The following CRIM1 variants were observed in gnomAD, a reference collection of about 807,000 sequenced individuals.
CRIM1 encodes cysteine rich transmembrane BMP regulator 1.
In CRIM1, 32 loss-of-function variants were observed where a neutral mutation model predicts 116.4. That is an observed-to-expected ratio of 0.27 (90% CI 0.21 to 0.37). CRIM1 has a LOEUF of 0.37. Ranked by LOEUF, CRIM1 falls within the 10% of genes least tolerant of loss-of-function variation. The pLI, the probability that CRIM1 is intolerant of heterozygous loss-of-function variation, is 1.00. For missense variants in CRIM1, 1,331 were observed against 1,354.8 expected, an observed-to-expected ratio of 0.98 and a Z score of 0.28; for synonymous variants, 590 against 509.2, an observed-to-expected ratio of 1.16 and a Z score of -2.13.
At chr2:36,511,628 T>C (rs1224503628) in intron 9 of CRIM1, among the ~76,000 whole-genome samples, 1 of 152,194 alleles carries the variant, frequency 6.6e-6, no homozygotes, top group Non-Finnish European at 1.5e-5. Context: ...TAGATTTCAC[T>C]TTGTATTCCT....
chr2:36,537,567 C>A, intron 14 of CRIM1, 21 bp downstream of exon 14: 1 of 1,574,708 alleles, frequency 6.4e-7, no homozygotes, highest in Non-Finnish European at 8.6e-7. Flanking sequence ...CACCATCCTT[C>A]CATTTGTCAA....
At chr2:36,398,197 A>C (rs190981882) in intron 2 of CRIM1, among the ~76,000 whole-genome samples, 275 of 152,336 alleles carry the variant, frequency 1.8e-3, no homozygotes, top group Non-Finnish European at 2.2e-3. Flanking sequence ...TAGAATCATT[A>C]CTTTTTGCTA....
chr2:36,486,295 A>G (rs1303633869), intron 7 of CRIM1, among the ~76,000 whole-genome samples: 1 of 152,220 alleles, frequency 6.6e-6, no homozygotes, highest in Non-Finnish European at 1.5e-5. Flanking sequence ...TTGTAGAAGT[A>G]GTTTAATAGA....
intron 12 of CRIM1, among the ~76,000 whole-genome samples, chr2:36,520,921 C>T (rs376455247): frequency 6.6e-6 from 1 of 152,146 alleles, no homozygotes; most frequent in African/African-American, 2.4e-5. Context: ...GAAGAACATA[C>T]GACAACTCTT....
intron 8 of CRIM1, among the ~76,000 whole-genome samples, chr2:36,504,577 C>T (rs935705450): frequency 1.3e-5 from 2 of 152,144 alleles, no homozygotes; most frequent in Non-Finnish European, 2.9e-5. Context: ...CCAGGACATA[C>T]AGAAAGTTTA....
At chr2:36,520,150 G>A (rs1237516202) in intron 12 of CRIM1, among the ~76,000 whole-genome samples, 8 of 152,170 alleles carry the variant, frequency 5.3e-5, no homozygotes, top group African/African-American at 1.7e-4. Context: ...ACTCTACCTC[G>A]GCTCCAGCCC....
In CRIM1 at chr2:36,502,690, C is replaced by T. The variant is rs565922583; in HGVS notation, c.1501+3343C>T. On this transcript the variant is annotated intron_variant, in intron 8 of 16. Coordinates refer to ENST00000280527, the MANE Select transcript of CRIM1 (RefSeq NM_016441.3). Reference sequence around the variant, plus strand: ...CACTACTTTAAGCCAAAAGCTATAACGTACAAATGTAAATTATTTTAAGAG... The same window carrying T: ...CACTACTTTAAGCCAAAAGCTATAATGTACAAATGTAAATTATTTTAAGAG... Among the ~76,000 whole-genome samples, 15 of 152,254 alleles carry T rather than the reference C, an allele frequency of 9.9e-5. No homozygotes were observed. In the South Asian group the frequency reaches 2.5e-3, roughly 25 times the overall value.
chr2:36,549,131 G>GTT lies in CRIM1; in HGVS notation c.*431_*432dup, dbSNP rs1667567129. The GTT allele has an allele frequency of 6.5e-6, 1 of 153,104 alleles. No homozygotes were observed. The highest frequency in any genetic ancestry group is 2.4e-5 in the African/African-American group (1 of 41,402). The allele number at this position is 153,104 out of a possible 1,614,324, so 9.5% of individuals were successfully genotyped here. A position where few individuals can be genotyped will look rare whatever the true frequency, so the allele number is the denominator to read the frequency against. ...TCCTATTGCTCTGAAGACTGCACTGGTTGCTGCAAAGCTCAGGCCTGAATG... is the reference window on the plus strand; with the variant it reads ...TCCTATTGCTCTGAAGACTGCACTGGTTTTGCTGCAAAGCTCAGGCCTGAATG... On this transcript the variant is annotated 3_prime_UTR_variant, in exon 17 of 17. Transcript: ENST00000280527.
intron 4 of CRIM1, among the ~76,000 whole-genome samples, chr2:36,460,409 A>T (rs1210926491): frequency 6.6e-6 from 1 of 152,180 alleles, no homozygotes; most frequent in African/African-American, 2.4e-5. Context: ...ACTGCTAGTG[A>T]GTACAGGATT....
chr2:36,500,353 T>G (rs1680900224), intron 8 of CRIM1, among the ~76,000 whole-genome samples: 1 of 152,116 alleles, frequency 6.6e-6, no homozygotes, highest in Admixed American at 6.6e-5. Flanking sequence ...CTCCACAATT[T>G]GGTCTGCTGA....
At position 36,537,566 on chromosome 2, in the gene CRIM1, T is replaced by TTG; in HGVS notation, c.2623+20_2623+21insTG. 1 of 1,576,054 alleles carries TTG rather than the reference T, an allele frequency of 6.3e-7. No individual in the cohort carries two copies. The highest frequency in any genetic ancestry group is 1.2e-5 in the South Asian group (1 of 85,034). On this transcript the variant is annotated intron_variant, in intron 14 of 16. Transcript: ENST00000280527. ...GTCCAGGTATCTAAGCCACCATCCT[T>TTG]CCATTTGTCAAGCTGTAATGTTGAT...
chr2:36,402,313 A>C (rs1385556435), intron 2 of CRIM1, among the ~76,000 whole-genome samples: 2 of 152,230 alleles, frequency 1.3e-5, no homozygotes, highest in East Asian at 3.9e-4. Flanking sequence ...CAAAGCCCAA[A>C]GGAGTTTGCC....
intron 13 of CRIM1, among the ~76,000 whole-genome samples, chr2:36,524,632 T>G (rs753542799): frequency 6.6e-6 from 1 of 152,138 alleles, no homozygotes; most frequent in Non-Finnish European, 1.5e-5. Flanking sequence ...TCTCAGATTG[T>G]TTTGTGTAAA....
At chr2:36,371,828 T>G in intron 1 of CRIM1, among the ~76,000 whole-genome samples, 1 of 152,202 alleles carries the variant, frequency 6.6e-6, no homozygotes, top group East Asian at 1.9e-4. Context: ...TCTGATATAC[T>G]AAACGGTTGA....
chr2:36,450,373 C>T (rs1676614850), intron 4 of CRIM1, among the ~76,000 whole-genome samples: 1 of 152,220 alleles, frequency 6.6e-6, no homozygotes, highest in Non-Finnish European at 1.5e-5. Context: ...TGTGTCTTCT[C>T]TGTCTTCAGC....
intron 5 of CRIM1, among the ~76,000 whole-genome samples, chr2:36,468,398 TG>T (rs528425077): frequency 5.9e-5 from 9 of 152,338 alleles, no homozygotes; most frequent in Non-Finnish European, 1.3e-4. Flanking sequence ...GATTTTATTT[TG>T]TTGTGGCGGA....
intron 5 of CRIM1, among the ~76,000 whole-genome samples, chr2:36,471,726 A>AACACACACAC (rs59120248): frequency 1.6e-4 from 13 of 78,898 alleles, no homozygotes; most frequent in East Asian, 3.8e-4. Context: ...GATTAGCTTA[A>AACACACACAC]ACACACACAC....
intron 1 of CRIM1, among the ~76,000 whole-genome samples, chr2:36,390,655 T>G (rs1246857445): frequency 6.6e-6 from 1 of 152,048 alleles, no homozygotes; most frequent in African/African-American, 2.4e-5. Context: ...GCTTGCAGTT[T>G]CCCCAGATAG....
At chr2:36,548,311 TTTC>T (rs1358273105) in intron 16 of CRIM1, among the ~76,000 whole-genome samples, 1 of 149,942 alleles carries the variant, frequency 6.7e-6, no homozygotes, top group African/African-American at 2.4e-5. Context: ...TATTTGACAG[TTTC>T]TTGACATTTC....
Sources: allele counts gnomAD v4.1 joint callset (sites outside exome capture counted in the v4.1 genomes callset), GRCh38; gene constraint gnomAD v4.1.1; transcripts MANE v1.5; gene names NCBI Gene and HGNC (gene_info 2026-07-23, HGNC 2026-07-21).